The following PPP4R2 variants were observed in gnomAD, a reference collection of about 807,000 sequenced individuals.
PPP4R2 encodes protein phosphatase 4 regulatory subunit 2.
In PPP4R2, 13 loss-of-function variants were observed where a neutral mutation model predicts 47.2. That is an observed-to-expected ratio of 0.28 (90% CI 0.18 to 0.44). The LOEUF (loss-of-function observed/expected upper bound fraction) is 0.44, where lower values mean the gene tolerates loss of function less well. Among genes scored for constraint, PPP4R2 ranks in the 20% least tolerant of loss-of-function variants. The pLI, the probability that PPP4R2 is intolerant of heterozygous loss-of-function variation, is 1.00. For synonymous variants in PPP4R2, 151 were observed against 163.3 expected (o/e 0.92, Z 0.57); for missense variants, 421 against 491.2 (o/e 0.86, Z 1.35).
At chr3:73,042,281 A>G (rs191586660) in intron 2 of PPP4R2, among the ~76,000 whole-genome samples, 2 of 151,808 alleles carry the variant, frequency 1.3e-5, no homozygotes, top group East Asian at 3.9e-4. Flanking sequence ...CAGTGAGTGT[A>G]CATTCCTAAG....
Position 73,068,199 on chromosome 3 carries a change from A to T in PPP4R2, c.*2477A>T, listed in dbSNP as rs1417606782. The T allele has an allele frequency of 6.6e-6, 1 of 152,140 alleles. No individual in the cohort carries two copies. The highest frequency in any genetic ancestry group is 1.5e-5 in the Non-Finnish European group (1 of 68,012). The allele number at this position is 152,140 out of a possible 1,614,324, so 9.4% of individuals were successfully genotyped here. A position where few individuals can be genotyped will look rare whatever the true frequency, so the allele number is the denominator to read the frequency against. ...CTTCTGAACAGAAGTGATTTTAGGC[A>T]TATTTCTTAACATATATCAAGCAAA... On this transcript the variant is annotated 3_prime_UTR_variant, in exon 9 of 9. Transcript: ENST00000356692.
At chr3:73,049,371 C>T (rs930589850) in intron 3 of PPP4R2, among the ~76,000 whole-genome samples, 8 of 151,928 alleles carry the variant, frequency 5.3e-5, no homozygotes, top group African/African-American at 9.7e-5. Flanking sequence ...TTGTCGCGGA[C>T]GCCCATAATC....
At chr3:72,999,659 T>C (rs1040195682) in intron 2 of PPP4R2, among the ~76,000 whole-genome samples, 3 of 152,254 alleles carry the variant, frequency 2.0e-5, no homozygotes, top group South Asian at 2.1e-4. Context: ...CTTTTTAATA[T>C]CCTGTCTTAC....
At chr3:73,050,411 T>C (rs1421273038) in intron 3 of PPP4R2, among the ~76,000 whole-genome samples, 1 of 151,050 alleles carries the variant, frequency 6.6e-6, no homozygotes, top group Non-Finnish European at 1.5e-5. Flanking sequence ...AATATATTGG[T>C]ATGTTGAAAC....
intron 2 of PPP4R2, chr3:73,015,813 T>A (rs959207637): frequency 2.2e-6 from 1 of 446,094 alleles, no homozygotes; most frequent in African/African-American, 2.0e-5. Context: ...AATTTTTTTG[T>A]GTGTTTAGTA....
intron 2 of PPP4R2, among the ~76,000 whole-genome samples, chr3:73,035,062 A>G (rs1702237697): frequency 6.6e-6 from 1 of 152,238 alleles, no homozygotes; most frequent in Admixed American, 6.5e-5. Context: ...TAACTAGAAT[A>G]TGTAAGGAAT....
At chr3:73,015,134 A>G (rs368570434) in intron 2 of PPP4R2, among the ~76,000 whole-genome samples, 5 of 152,228 alleles carry the variant, frequency 3.3e-5, no homozygotes, top group Non-Finnish European at 7.3e-5. Context: ...ATAAAGTCCT[A>G]TAAAACAGAA....
At chr3:73,038,758 A>G (rs1000794923) in intron 2 of PPP4R2, among the ~76,000 whole-genome samples, 1 of 152,188 alleles carries the variant, frequency 6.6e-6, no homozygotes, top group African/African-American at 2.4e-5. Flanking sequence ...GTGGATGAAT[A>G]GGTAGTAATT....
intron 2 of PPP4R2, among the ~76,000 whole-genome samples, chr3:73,023,348 G>A (rs1462751119): frequency 6.6e-6 from 1 of 151,944 alleles, no homozygotes; most frequent in Non-Finnish European, 1.5e-5. Flanking sequence ...CACCATGCCT[G>A]GCTAATTTTG....
intron 4 of PPP4R2, among the ~76,000 whole-genome samples, chr3:73,059,787 T>C (rs1702806067): frequency 3.3e-5 from 5 of 151,856 alleles, no homozygotes; most frequent in East Asian, 1.9e-4. Context: ...ATACAAAAAC[T>C]AGCCGGGCGT....
chr3:73,043,660 G>C (rs1027607798), intron 2 of PPP4R2, among the ~76,000 whole-genome samples: 1 of 152,116 alleles, frequency 6.6e-6, no homozygotes, highest in Non-Finnish European at 1.5e-5. Context: ...GGGTGGTTTT[G>C]ATTTGCATTT....
chr3:73,027,499 T>G (rs908881443), intron 2 of PPP4R2, among the ~76,000 whole-genome samples: 7 of 152,250 alleles, frequency 4.6e-5, no homozygotes, highest in African/African-American at 1.7e-4. Flanking sequence ...TTTTTCTACC[T>G]GATTTGTTTT....
intron 2 of PPP4R2, among the ~76,000 whole-genome samples, chr3:73,004,462 CTA>C (rs1210993046): frequency 2.6e-5 from 4 of 151,980 alleles, no homozygotes; most frequent in Non-Finnish European, 4.4e-5. Flanking sequence ...CTGTTAAAAT[CTA>C]TTTATTTTTG....
chr3:73,037,005 T>A (rs931899575), intron 2 of PPP4R2, among the ~76,000 whole-genome samples: 2 of 152,230 alleles, frequency 1.3e-5, no homozygotes, highest in East Asian at 3.8e-4. Flanking sequence ...ACAGATATTT[T>A]AAGCTTTAAT....
rs985858626 is a variant in PPP4R2 at position 73,069,110 on chromosome 3, T to C, written c.*3388T>C. On this transcript the variant is annotated 3_prime_UTR_variant, in exon 9 of 9. Coordinates refer to ENST00000356692, the MANE Select transcript of PPP4R2 (RefSeq NM_174907.4). ...TCACATTTTAAAAATCAGTACACTC[T>C]TCAGGATTTTCTTTTATTTCAACTT... 1 of 152,236 alleles carries C rather than the reference T, an allele frequency of 6.6e-6. No individual in the cohort carries two copies. Among genetic ancestry groups the C allele is most frequent in the Admixed American group, 6.5e-5 (1 of 15,280 alleles). The allele number at this position is 152,236 out of a possible 1,614,324, so 9.4% of individuals were successfully genotyped here. A position where few individuals can be genotyped will look rare whatever the true frequency, so the allele number is the denominator to read the frequency against.
intron 3 of PPP4R2, among the ~76,000 whole-genome samples, chr3:73,057,207 A>G (rs1005458410): frequency 1.3e-5 from 2 of 152,102 alleles, no homozygotes; most frequent in African/African-American, 4.8e-5. Flanking sequence ...TTTGTTATAC[A>G]TGTGGAAAAT....
chr3:73,019,245 C>T (rs1701910928), intron 2 of PPP4R2, among the ~76,000 whole-genome samples: 1 of 152,168 alleles, frequency 6.6e-6, no homozygotes. Context: ...TGTAAGTGCA[C>T]TCTGTGATGT....
rs10663655 is a variant in PPP4R2 at position 73,055,417 on chromosome 3, C to CGTGTGTGTGTGTGTGT, written c.288-3597_288-3582dup. On this transcript the variant is annotated intron_variant, in intron 3 of 8. Transcript: ENST00000356692. ...TGAGTAAGGTCTCCTAGTGGGGTAG[C>CGTGTGTGTGTGTGTGT]GTGTGTGTGTGTGTGTGTGTGTGTG... Among the ~76,000 whole-genome samples the CGTGTGTGTGTGTGTGT allele has an allele frequency of 4.0e-3, 550 of 137,396 alleles. 5 individuals are homozygous for CGTGTGTGTGTGTGTGT. The highest frequency in any genetic ancestry group is 4.3e-3 in the African/African-American group (152 of 35,446). 90.1% of individuals were successfully genotyped at this position (137,396 alleles called of 152,430 possible).
At chr3:73,037,168 A>C (rs578039956) in intron 2 of PPP4R2, among the ~76,000 whole-genome samples, 1 of 152,296 alleles carries the variant, frequency 6.6e-6, no homozygotes, top group Admixed American at 6.5e-5. Flanking sequence ...ACCCAAGAAA[A>C]AAATTCTAGA....
Sources: allele counts gnomAD v4.1 joint callset (sites outside exome capture counted in the v4.1 genomes callset), GRCh38; gene constraint gnomAD v4.1.1; transcripts MANE v1.5; gene names NCBI Gene and HGNC (gene_info 2026-07-23, HGNC 2026-07-21).